CSMD1: variants seen among roughly 807,000 people sequenced by gnomAD.
CSMD1 encodes CUB and Sushi multiple domains 1.
In CSMD1, 213 loss-of-function variants were observed where a neutral mutation model predicts 417.5. The observed-to-expected ratio is 0.51, with a 90% CI of 0.46 to 0.57. The LOEUF (loss-of-function observed/expected upper bound fraction) is 0.57, where lower values mean the gene tolerates loss of function less well. Among genes scored for constraint, CSMD1 ranks in the 20% least tolerant of loss-of-function variants. The pLI, the probability that CSMD1 is intolerant of heterozygous loss-of-function variation, is 0.00. For missense variants in CSMD1, 6,923 were observed against 4,529.7 expected (o/e 1.53, Z -15.17); for synonymous variants, 2,862 against 1,736.8 (o/e 1.65, Z -16.11).
At chr8:3,796,532 A>G (rs1431165483) in intron 5 of CSMD1, among the ~76,000 whole-genome samples, 1 of 144,780 alleles carries the variant, frequency 6.9e-6, no homozygotes, top group Non-Finnish European at 1.5e-5. Context: ...TATATCTAAG[A>G]TATATATCTA....
chr8:4,239,658 A>G (rs1802276336), intron 3 of CSMD1, among the ~76,000 whole-genome samples: 1 of 152,200 alleles, frequency 6.6e-6, no homozygotes, highest in Non-Finnish European at 1.5e-5. Flanking sequence ...TCGGGGTCAC[A>G]GAGCATTGCA....
At chr8:4,738,796 G>A (rs926937673) in intron 1 of CSMD1, among the ~76,000 whole-genome samples, 3 of 151,982 alleles carry the variant, frequency 2.0e-5, no homozygotes, top group Non-Finnish European at 2.9e-5. Context: ...CAAATAAGAT[G>A]GATGCCCCTG....
At chr8:4,117,879 A>C (rs1380113437) in intron 3 of CSMD1, among the ~76,000 whole-genome samples, 6 of 152,126 alleles carry the variant, frequency 3.9e-5, no homozygotes, top group Admixed American at 3.9e-4. Flanking sequence ...AAAAACCACA[A>C]AACAAAGTAG....
At chr8:4,813,661 G>T (rs1415873620) in intron 1 of CSMD1, among the ~76,000 whole-genome samples, 2 of 152,168 alleles carry the variant, frequency 1.3e-5, no homozygotes, top group Admixed American at 6.5e-5. Flanking sequence ...TTTACACGTT[G>T]CAAGAGAGAA....
intron 3 of CSMD1, among the ~76,000 whole-genome samples, chr8:4,182,215 C>T (rs1433912269): frequency 6.6e-6 from 1 of 152,094 alleles, no homozygotes; most frequent in Non-Finnish European, 1.5e-5. Flanking sequence ...TCTCAGTTTA[C>T]TTTAAACTTA....
intron 1 of CSMD1, among the ~76,000 whole-genome samples, chr8:4,647,295 G>C (rs1256292154): frequency 6.7e-6 from 1 of 150,230 alleles, no homozygotes; most frequent in African/African-American, 2.5e-5. Flanking sequence ...TGCACAAACT[G>C]CAGGTTTGTT....
At chr8:4,869,557 T>A (rs1025984414) in intron 1 of CSMD1, among the ~76,000 whole-genome samples, 4 of 152,072 alleles carry the variant, frequency 2.6e-5, no homozygotes, top group Non-Finnish European at 5.9e-5. Flanking sequence ...TGCATGGCTG[T>A]TATGAAAAGC....
At chr8:4,591,221 C>G (rs1440779275) in intron 2 of CSMD1, among the ~76,000 whole-genome samples, 1 of 152,162 alleles carries the variant, frequency 6.6e-6, no homozygotes, top group Admixed American at 6.5e-5. Flanking sequence ...ATGAAATAAG[C>G]AATGATCTCT....
chr8:4,236,948 T>G (rs1802101774), intron 3 of CSMD1, among the ~76,000 whole-genome samples: 1 of 152,206 alleles, frequency 6.6e-6, no homozygotes, highest in African/African-American at 2.4e-5. Flanking sequence ...CAAGTTCAGT[T>G]TCCTCAGGAA....
intron 1 of CSMD1, among the ~76,000 whole-genome samples, chr8:4,948,379 T>C (rs568238594): frequency 6.6e-6 from 1 of 152,200 alleles, no homozygotes; most frequent in Admixed American, 6.5e-5. Flanking sequence ...ATTGTTTATA[T>C]ATTCTGTACT....
At chr8:4,033,201 G>C (rs1054567939) in intron 3 of CSMD1, among the ~76,000 whole-genome samples, 10 of 150,940 alleles carry the variant, frequency 6.6e-5, no homozygotes, top group Admixed American at 6.6e-5. Flanking sequence ...AGCACTTTGG[G>C]AGGCCGAGGC....
intron 49 of CSMD1, among the ~76,000 whole-genome samples, chr8:3,086,875 G>A (rs138953919): frequency 6.6e-6 from 1 of 152,278 alleles, no homozygotes; most frequent in Non-Finnish European, 1.5e-5. Context: ...ACTTGACCCA[G>A]GATCTAGTGA....
intron 3 of CSMD1, among the ~76,000 whole-genome samples, chr8:4,298,170 A>T (rs1299186442): frequency 2.0e-5 from 3 of 152,166 alleles, no homozygotes; most frequent in African/African-American, 7.2e-5. Flanking sequence ...AGAAAAACAT[A>T]ATTTTGAGGA....
chr8:4,290,487 T>G (rs1487080427), intron 3 of CSMD1, among the ~76,000 whole-genome samples: 1 of 152,134 alleles, frequency 6.6e-6, no homozygotes, highest in Non-Finnish European at 1.5e-5. Context: ...ACTGCATCTT[T>G]CATAGCATGA....
In CSMD1 at chr8:4,840,511, G is replaced by T. The variant is rs144151769; in HGVS notation, c.85+153821C>A. 1.4e-3 allele frequency among the ~76,000 whole-genome samples: 216 copies of T among 152,292 alleles called. 2 individuals are homozygous for T. Among genetic ancestry groups the T allele is most frequent in the African/African-American group, 5.0e-3 (208 of 41,552 alleles). On this transcript the variant is annotated intron_variant, in intron 1 of 69. Coordinates refer to ENST00000635120, the MANE Select transcript of CSMD1 (RefSeq NM_033225.6). ...ATTCGATGAAGTAAATTAAGTTATG[G>T]TGGTGAGACTTGCTGAAGGAGCAGC...
intron 1 of CSMD1, among the ~76,000 whole-genome samples, chr8:4,650,188 C>A (rs2724994): frequency 0.61 from 92,327 of 150,900 alleles, 28,483 homozygotes; most frequent in East Asian, 0.73. Context: ...TAATAAAAAT[C>A]CAAAAAATTA....
chr8:4,631,455 T>C lies in CSMD1; in HGVS notation c.302+5887A>G, dbSNP rs139753027. Reference sequence around the variant, plus strand: ...TGTGAATGGCTCCCTTAGGACCTTGTAGCAACTATGGAGACAGAAAAGCAG... The same window carrying C: ...TGTGAATGGCTCCCTTAGGACCTTGCAGCAACTATGGAGACAGAAAAGCAG... On this transcript the variant is annotated intron_variant, in intron 2 of 69. Coordinates refer to ENST00000635120, the MANE Select transcript of CSMD1 (RefSeq NM_033225.6). Among the ~76,000 whole-genome samples the C allele has an allele frequency of 3.7e-3, 560 of 151,930 alleles. 4 individuals carry two copies. Among genetic ancestry groups the C allele is most frequent in the African/African-American group, 0.013 (524 of 41,416 alleles).
At chr8:4,523,698 T>C (rs1803615271) in intron 2 of CSMD1, among the ~76,000 whole-genome samples, 1 of 152,168 alleles carries the variant, frequency 6.6e-6, no homozygotes, top group South Asian at 2.1e-4. Flanking sequence ...TGAAATGATC[T>C]GCTGACACCT....
chr8:3,192,947 A>AT (rs1220701082), intron 33 of CSMD1, among the ~76,000 whole-genome samples: 1 of 152,142 alleles, frequency 6.6e-6, no homozygotes, highest in Non-Finnish European at 1.5e-5. Context: ...GAAAAAAAAA[A>AT]AGATATCCCA....
Sources: allele counts gnomAD v4.1 joint callset (sites outside exome capture counted in the v4.1 genomes callset), GRCh38; gene constraint gnomAD v4.1.1; transcripts MANE v1.5; gene names NCBI Gene and HGNC (gene_info 2026-07-23, HGNC 2026-07-21).